The following EPB41 variants were observed in gnomAD, a reference collection of about 807,000 sequenced individuals.
EPB41 encodes the protein erythrocyte membrane protein band 4.1, also known as protein 4.1.
A neutral mutation model predicts 108.0 loss-of-function variants in EPB41; 65 were observed. The observed-to-expected ratio is 0.60, with a 90% CI of 0.49 to 0.74. The LOEUF (loss-of-function observed/expected upper bound fraction) is 0.74. EPB41 is among the 30% of genes least tolerant of loss of function. EPB41 has a pLI of 0.00. For synonymous variants in EPB41, 336 were observed against 358.9 expected, an observed-to-expected ratio of 0.94 and a Z score of 0.72; for missense variants, 875 against 1,037.0, an observed-to-expected ratio of 0.84 and a Z score of 2.15.
At chr1:28,955,529 G>GTATTT in intron 1 of EPB41, among the ~76,000 whole-genome samples, 1 of 152,166 alleles carries the variant, frequency 6.6e-6, no homozygotes, top group Admixed American at 6.5e-5. Flanking sequence ...TTTTTTAGTA[G>GTATTT]AGACGGAGTT....
At position 29,039,134 on chromosome 1, in the gene EPB41, A is replaced by T. The variant is rs1640565274; in HGVS notation, c.1464-120A>T. On this transcript the variant is annotated intron_variant, in intron 10 of 20. Coordinates refer to ENST00000343067, the MANE Select transcript of EPB41 (RefSeq NM_001376013.1). ...TTACTTGATTGAAAATTTCTTAGTA[A>T]CTATATGGAAACCCTGAGAATTGTG... 3 of 1,114,434 alleles carry T rather than the reference A, an allele frequency of 2.7e-6. No homozygotes were observed. In the South Asian group the frequency reaches 4.6e-5, roughly 17 times the overall value. The allele number at this position is 1,114,434 out of a possible 1,614,324, so 69.0% of individuals were successfully genotyped here. A position where few individuals can be genotyped will look rare whatever the true frequency, so the allele number is the denominator to read the frequency against.
At chr1:28,921,450 C>T (rs1287256697) in intron 1 of EPB41, among the ~76,000 whole-genome samples, 3 of 152,058 alleles carry the variant, frequency 2.0e-5, no homozygotes, top group Non-Finnish European at 2.9e-5. Context: ...GCCATATGGA[C>T]ACAGGCAGGA....
At chr1:28,908,437 A>AT (rs1246771294) in intron 1 of EPB41, among the ~76,000 whole-genome samples, 34 of 147,798 alleles carry the variant, frequency 2.3e-4, no homozygotes, top group African/African-American at 6.4e-4. Context: ...TATTATTATT[A>AT]TTATTTTTTT....
intron 1 of EPB41, among the ~76,000 whole-genome samples, chr1:28,901,619 C>T (rs1014099413): frequency 6.6e-5 from 10 of 151,852 alleles, no homozygotes; most frequent in Non-Finnish European, 1.0e-4. Flanking sequence ...CTGCAATCTC[C>T]GCCTCCCAGG....
At chr1:28,887,137 A>G (rs957199391), upstream of EPB41, 7 of 966,070 alleles carry the variant, frequency 7.2e-6, no homozygotes, top group African/African-American at 3.4e-5. The surrounding 1 kb of genome is among the most constrained non-coding windows in gnomAD (Gnocchi z 4.9). Flanking sequence ...GCAAAGTGGC[A>G]GGAACCTCTT....
Position 29,115,581 on chromosome 1 carries a change from C to T in EPB41, c.2497-118C>T, listed in dbSNP as rs947407566. 20 of 860,014 alleles carry T rather than the reference C, an allele frequency of 2.3e-5. No homozygotes were observed. The African/African-American group carries it at 2.5e-4, about 11-fold the overall frequency. The allele number at this position is 860,014 out of a possible 1,614,324, so 53.3% of individuals were successfully genotyped here. A position where few individuals can be genotyped will look rare whatever the true frequency, so the allele number is the denominator to read the frequency against. On this transcript the variant is annotated intron_variant, in intron 19 of 20. Coordinates refer to ENST00000343067, the MANE Select transcript of EPB41 (RefSeq NM_001376013.1). The surrounding 1 kb of genome is among the most constrained non-coding windows in gnomAD (Gnocchi z 4.4). The stretch of plus-strand genomic sequence containing the variant: ...TCAGCTTGGCTTAGCCTAAAGCTGC[C>T]CTGGTACTGCAGACAGGAGTATTGG...
chr1:28,923,866 G>A (rs570385325), intron 1 of EPB41, among the ~76,000 whole-genome samples: 2 of 152,124 alleles, frequency 1.3e-5, no homozygotes, highest in Admixed American at 6.5e-5. Context: ...GTGGTAGGCA[G>A]CCTTTATTAT....
intron 16 of EPB41, among the ~76,000 whole-genome samples, chr1:29,067,748 A>C (rs1400997344): frequency 6.6e-6 from 1 of 152,106 alleles, no homozygotes; most frequent in Non-Finnish European, 1.5e-5. Flanking sequence ...ACAGTTCTCC[A>C]AACAGAGCTG....
intron 15 of EPB41, 65 bp downstream of exon 15, chr1:29,060,549 C>G: frequency 2.1e-6 from 3 of 1,408,674 alleles, no homozygotes; most frequent in Non-Finnish European, 3.0e-6. Context: ...TTTGCTGATC[C>G]CCTTTTCTTC....
intron 16 of EPB41, among the ~76,000 whole-genome samples, chr1:29,095,305 A>G (rs1314529226): frequency 6.6e-6 from 1 of 152,228 alleles, no homozygotes; most frequent in African/African-American, 2.4e-5. Flanking sequence ...AATTGTTTAC[A>G]AAGAAACATT....
chr1:29,070,989 C>A (rs529862953), intron 16 of EPB41: 13 of 166,684 alleles, frequency 7.8e-5, no homozygotes, highest in African/African-American at 2.8e-4. Flanking sequence ...TCTCTAGATA[C>A]ATTTGATGGA....
At position 29,035,933 on chromosome 1, in the gene EPB41, T is replaced by A; in HGVS notation, c.1463+10T>A. 1 of 1,575,022 alleles carries A rather than the reference T, an allele frequency of 6.3e-7. No homozygotes were observed. The highest frequency in any genetic ancestry group is 8.7e-7 in the Non-Finnish European group (1 of 1,144,510). On this transcript the variant is annotated intron_variant, in intron 10 of 20. Coordinates refer to ENST00000343067, the MANE Select transcript of EPB41 (RefSeq NM_001376013.1). ...ATCACACGTTTTTCAGGTATTATTC[T>A]CACTTAAGTATTTTTCAAGGATAAA...
chr1:29,069,146 T>A (rs2151076721), intron 16 of EPB41: 1 of 1,231,506 alleles, frequency 8.1e-7, no homozygotes, highest in South Asian at 4.1e-5. Flanking sequence ...CTTTTCCTTT[T>A]TTTCTTTTTT....
At chr1:29,100,207 G>A (rs1054489981) in intron 17 of EPB41, among the ~76,000 whole-genome samples, 1 of 151,392 alleles carries the variant, frequency 6.6e-6, no homozygotes, top group East Asian at 2.0e-4. Flanking sequence ...GGTGGCTCAC[G>A]CCTGTAATCC....
intron 11 of EPB41, among the ~76,000 whole-genome samples, chr1:29,051,769 G>A (rs1644553014): frequency 6.6e-6 from 1 of 152,032 alleles, no homozygotes; most frequent in African/African-American, 2.4e-5. Flanking sequence ...ATGGTGGCAT[G>A]TGCCTGTAGT....
At chr1:28,902,196 C>T (rs2091385106) in intron 1 of EPB41, 1 of 985,238 alleles carries the variant, frequency 1.0e-6, no homozygotes, top group Non-Finnish European at 1.2e-6. Flanking sequence ...ATCATCCTTT[C>T]CATTTGTCAG....
chr1:29,086,937 G>GTTT (rs1257020934), intron 16 of EPB41, among the ~76,000 whole-genome samples: 1 of 105,222 alleles, frequency 9.5e-6, no homozygotes, highest in Non-Finnish European at 2.0e-5. Context: ...CTTAACTGTG[G>GTTT]TTCTTTTTTT....
chr1:28,941,213 A>C (rs545793080), intron 1 of EPB41, among the ~76,000 whole-genome samples: 27 of 151,876 alleles, frequency 1.8e-4, no homozygotes, highest in Non-Finnish European at 2.2e-4. Context: ...ACCAAAAAAA[A>C]AAAACAAAAC....
chr1:28,935,917 CAAA>C (rs35063100), intron 1 of EPB41, among the ~76,000 whole-genome samples: 10 of 119,722 alleles, frequency 8.4e-5, no homozygotes, highest in Non-Finnish European at 9.6e-5. Context: ...GACTCTGTTT[CAAA>C]AAAAAAAAAA....
Sources: allele counts gnomAD v4.1 joint callset (sites outside exome capture counted in the v4.1 genomes callset), GRCh38; gene constraint gnomAD v4.1.1; non-coding constraint Gnocchi (gnomAD v3.1); transcripts MANE v1.5; gene names NCBI Gene and HGNC (gene_info 2026-07-23, HGNC 2026-07-21).